The following MAP3K7CL variants were observed in gnomAD, a reference collection of about 807,000 sequenced individuals.
The protein encoded by MAP3K7CL is MAP3K7 C-terminal-like protein.
A neutral mutation model predicts 18.6 loss-of-function variants in MAP3K7CL; 16 were observed. That is an observed-to-expected ratio of 0.86 (90% confidence interval 0.58 to 1.31). The LOEUF (loss-of-function observed/expected upper bound fraction) is 1.31, where lower values mean the gene tolerates loss of function less well. Among genes scored for constraint, MAP3K7CL ranks in the 50% most tolerant of loss-of-function variants. The pLI is 0.00. For synonymous variants in MAP3K7CL, 65 were observed against 66.8 expected, an observed-to-expected ratio of 0.97 and a Z score of 0.13; for missense variants, 163 against 174.4, an observed-to-expected ratio of 0.93 and a Z score of 0.37.
chr21:29,080,724 A>C (rs2085822165), intron 1 of MAP3K7CL: 2 of 152,146 alleles, frequency 1.3e-5, no homozygotes, highest in South Asian at 4.1e-4. Context: ...TCATTCTGTT[A>C]CATCTGGGAC....
At chr21:29,101,116 C>T (rs1404785574) in intron 4 of MAP3K7CL, among the ~76,000 whole-genome samples, 1 of 151,120 alleles carries the variant, frequency 6.6e-6, no homozygotes, top group African/African-American at 2.4e-5. Flanking sequence ...CATTTTTTAT[C>T]TTACGATTTC....
intron 4 of MAP3K7CL, among the ~76,000 whole-genome samples, chr21:29,124,327 C>T (rs2086646576): frequency 1.4e-5 from 2 of 143,656 alleles, no homozygotes; most frequent in African/African-American, 5.1e-5. Context: ...GTGCTCTAGC[C>T]CGGGCAACAG....
At chr21:29,085,954 T>C in intron 1 of MAP3K7CL, 13 of 1,610,056 alleles carry the variant, frequency 8.1e-6, no homozygotes, top group Non-Finnish European at 1.1e-5. Context: ...CCTGTAAAAC[T>C]GTCGACTATA....
chr21:29,149,211 C>T lies in MAP3K7CL; in HGVS notation c.93C>T (p.Ser31=), dbSNP rs1360191914. Reference sequence around the variant, plus strand: ...TAGATGATACACCCCCTGAAGACTCCATTCCTTTGGTCTTTCCAGAATTAG... The same window carrying T: ...TAGATGATACACCCCCTGAAGACTCTATTCCTTTGGTCTTTCCAGAATTAG... ...DASDDTPPED[S]IPLVFPELDQ... is the part of the protein sequence containing the mutation. Residue 31 remains serine (S), a synonymous_variant, in exon 3 of 5, where the codon TCC becomes TCT. Transcript: ENST00000399928. 1 of 1,613,836 alleles carries T rather than the reference C, an allele frequency of 6.2e-7. No individual in the cohort carries two copies. Among genetic ancestry groups the T allele is most frequent in the Non-Finnish European group, 8.5e-7 (1 of 1,179,832 alleles).
chr21:29,149,293 C>T, intron 3 of MAP3K7CL, 43 bp downstream of exon 3: 1 of 1,564,080 alleles, frequency 6.4e-7, no homozygotes, highest in East Asian at 2.2e-5. Flanking sequence ...TCCTTAGTGT[C>T]ATAAAGTATA....
rs777348854 is a variant in MAP3K7CL at position 29,149,250 on chromosome 21, G to A, written c.132G>A (p.Gln44=). 4 of 1,613,542 alleles carry A rather than the reference G, an allele frequency of 2.5e-6. No individual in the cohort carries two copies. The South Asian group carries it at 4.4e-5, about 18-fold the overall frequency. ...LVFPELDQQL[Q]PLPPCHDSEE... Reference sequence around the variant, plus strand: ...TTCCAGAATTAGACCAGCAGCTACAGGTAAGGATTTTTCTAAAGTCTCTCT... The same window carrying A: ...TTCCAGAATTAGACCAGCAGCTACAAGTAAGGATTTTTCTAAAGTCTCTCT... The change falls in exon 3 of 5, where the codon CAG becomes CAA. Residue 44 remains glutamine (Q), a splice_region_variant and synonymous_variant. Transcript: ENST00000399928.
chr21:29,094,543 CTACTT>C (rs1479388951), intron 4 of MAP3K7CL, among the ~76,000 whole-genome samples: 1 of 152,230 alleles, frequency 6.6e-6, no homozygotes, highest in Non-Finnish European at 1.5e-5. Flanking sequence ...CTTTGATAGA[CTACTT>C]TGCTTAGCCT....
intron 3 of MAP3K7CL, among the ~76,000 whole-genome samples, chr21:29,151,443 C>T (rs1299294165): frequency 6.6e-6 from 1 of 151,994 alleles, no homozygotes; most frequent in Non-Finnish European, 1.5e-5. Flanking sequence ...CACTGCACTC[C>T]AGCCTGGGCA....
intron 4 of MAP3K7CL, among the ~76,000 whole-genome samples, chr21:29,121,155 A>G (rs952398284): frequency 3.3e-5 from 5 of 150,312 alleles, no homozygotes; most frequent in Non-Finnish European, 7.4e-5. Context: ...TACTCTACCC[A>G]TTATCTACAG....
intron 4 of MAP3K7CL, among the ~76,000 whole-genome samples, chr21:29,163,764 T>G (rs1433810978): frequency 5.4e-5 from 8 of 147,946 alleles, no homozygotes; most frequent in Non-Finnish European, 1.2e-4. Context: ...GATGCAATCA[T>G]AGCTCACTGC....
intron 2 of MAP3K7CL, among the ~76,000 whole-genome samples, chr21:29,136,197 G>A (rs1332304540): frequency 6.6e-6 from 1 of 152,192 alleles, no homozygotes; most frequent in African/African-American, 2.4e-5. Flanking sequence ...GAGGCTGAGT[G>A]CACAAAAAGA....
intron 4 of MAP3K7CL, among the ~76,000 whole-genome samples, chr21:29,113,904 AG>A (rs988192061): frequency 2.6e-5 from 4 of 152,128 alleles, no homozygotes; most frequent in African/African-American, 9.7e-5. Context: ...GCACTGGGCG[AG>A]GGCATTTGGC....
At chr21:29,172,133 ATTAT>A (rs926110266) in intron 4 of MAP3K7CL, among the ~76,000 whole-genome samples, 6 of 151,722 alleles carry the variant, frequency 4.0e-5, no homozygotes, top group African/African-American at 1.5e-4. Flanking sequence ...ATATATTATT[ATTAT>A]TTAATTCACA....
At chr21:29,146,645 T>A (rs1458065675) in intron 2 of MAP3K7CL, among the ~76,000 whole-genome samples, 1 of 152,222 alleles carries the variant, frequency 6.6e-6, no homozygotes, top group East Asian at 1.9e-4. Context: ...TTTTACTTGT[T>A]CTGTGAGCTA....
intron 1 of MAP3K7CL, among the ~76,000 whole-genome samples, chr21:29,132,060 G>A (rs1482969345): frequency 2.0e-5 from 3 of 152,158 alleles, no homozygotes; most frequent in Non-Finnish European, 4.4e-5. Flanking sequence ...TTGGTTTACT[G>A]TCTACATGAG....
upstream of MAP3K7CL, among the ~76,000 whole-genome samples, chr21:29,126,701 C>T (rs769617439): frequency 5.9e-5 from 9 of 152,046 alleles, no homozygotes; most frequent in Non-Finnish European, 1.2e-4. Context: ...TTAGGTGATC[C>T]GCCTGCCTCG....
At chr21:29,129,639 G>C (rs1568951622), upstream of MAP3K7CL, among the ~76,000 whole-genome samples, 1 of 152,202 alleles carries the variant, frequency 6.6e-6, no homozygotes, top group African/African-American at 2.4e-5. Flanking sequence ...ATAAACATCT[G>C]TATGCAGGCT....
At chr21:29,159,840 A>G in intron 3 of MAP3K7CL, 101 bp from the exon 4 acceptor site, 1 of 818,930 alleles carries the variant, frequency 1.2e-6, no homozygotes, top group South Asian at 1.7e-5. Context: ...AAAAAAAAGA[A>G]GAAGAAAAAA....
intron 2 of MAP3K7CL, among the ~76,000 whole-genome samples, chr21:29,143,663 T>G (rs1288453569): frequency 2.6e-5 from 4 of 152,098 alleles, no homozygotes; most frequent in South Asian, 2.1e-4. Flanking sequence ...CCTCAGGTGA[T>G]CCGCCCACCT....
Sources: gnomAD v4.1 joint callset for allele counts (sites outside exome capture counted in the v4.1 genomes callset) on GRCh38, gnomAD v4.1.1 for gene constraint, MANE v1.5 for transcripts, NCBI Gene and HGNC (gene_info 2026-07-23, HGNC 2026-07-21) for gene names.